Variants in EPHA6 observed in about 807,000 individuals in gnomAD.
The protein encoded by EPHA6 is EPH receptor A6, also known as ephrin type-A receptor 6.
Under a neutral mutation model 112.0 loss-of-function variants are expected in EPHA6, and 50 were observed. That is an observed-to-expected ratio of 0.45 (90% CI 0.36 to 0.56). The LOEUF is 0.56. EPHA6 is among the 20% of genes least tolerant of loss of function. The pLI, the probability that EPHA6 is intolerant of heterozygous loss-of-function variation, is 0.00. For synonymous variants in EPHA6, 529 were observed against 490.7 expected (o/e 1.08, Z -1.03); for missense variants, 1,280 against 1,417.4 (o/e 0.90, Z 1.56).
intron 5 of EPHA6, among the ~76,000 whole-genome samples, chr3:97,364,068 C>G (rs998553588): frequency 2.6e-5 from 4 of 151,872 alleles, no homozygotes; most frequent in African/African-American, 9.7e-5. Context: ...GGAAAATGTT[C>G]TGGAGATAGA....
At chr3:97,121,853 G>C (rs369794654) in intron 3 of EPHA6, among the ~76,000 whole-genome samples, 20 of 152,110 alleles carry the variant, frequency 1.3e-4, no homozygotes, top group Middle Eastern at 3.4e-3. Flanking sequence ...CAGATATATT[G>C]AGAATATATT....
At chr3:97,583,737 A>G (rs2093462857) in intron 11 of EPHA6, among the ~76,000 whole-genome samples, 1 of 152,178 alleles carries the variant, frequency 6.6e-6, no homozygotes, top group South Asian at 2.1e-4. Flanking sequence ...ATTCAATGCA[A>G]TGTCAATCAA....
At chr3:97,415,219 G>T (rs989245673) in intron 6 of EPHA6, among the ~76,000 whole-genome samples, 1 of 151,986 alleles carries the variant, frequency 6.6e-6, no homozygotes. Context: ...AATCTAAAGC[G>T]AGCTTGATTT....
At chr3:97,550,843 A>G (rs2093019813) in intron 11 of EPHA6, among the ~76,000 whole-genome samples, 1 of 152,106 alleles carries the variant, frequency 6.6e-6, no homozygotes, top group African/African-American at 2.4e-5. Context: ...AAGTACATAT[A>G]GATGAAGGAA....
chr3:97,068,788 A>AGGCCCCACTCTCTG (rs2046262186), intron 3 of EPHA6, among the ~76,000 whole-genome samples: 1 of 152,032 alleles, frequency 6.6e-6, no homozygotes, highest in Non-Finnish European at 1.5e-5. Context: ...AAAGAGTGAG[A>AGGCCCCACTCTCTG]GGCCCCACTC....
At chr3:97,152,857 C>A (rs1260241038) in intron 3 of EPHA6, among the ~76,000 whole-genome samples, 1 of 152,062 alleles carries the variant, frequency 6.6e-6, no homozygotes, top group African/African-American at 2.4e-5. Context: ...CATCCCTGAG[C>A]AGCATTTTCG....
At chr3:97,036,192 A>G (rs1163172531) in intron 3 of EPHA6, among the ~76,000 whole-genome samples, 2 of 152,020 alleles carry the variant, frequency 1.3e-5, no homozygotes, top group African/African-American at 4.8e-5. Flanking sequence ...TAGCTAAAAC[A>G]GACTACCATA....
chr3:97,716,126 A>G (rs1559623175), intron 14 of EPHA6, among the ~76,000 whole-genome samples: 1 of 152,184 alleles, frequency 6.6e-6, no homozygotes, highest in Non-Finnish European at 1.5e-5. Context: ...CATTCCCGAA[A>G]CCTGAAGCAA....
At chr3:97,167,836 A>C (rs75783861) in intron 3 of EPHA6, among the ~76,000 whole-genome samples, 11,954 of 152,010 alleles carry the variant, frequency 0.079, 768 homozygotes, top group Admixed American at 0.22. Flanking sequence ...TGGAATCCAA[A>C]TATTCTTAAA....
At chr3:97,511,341 G>C (rs2092361469) in intron 10 of EPHA6, among the ~76,000 whole-genome samples, 1 of 152,224 alleles carries the variant, frequency 6.6e-6, no homozygotes, top group Non-Finnish European at 1.5e-5. Context: ...CTGTTCTGCG[G>C]GTTGTGAAGA....
At chr3:96,861,311 G>A (rs1317389629) in intron 1 of EPHA6, among the ~76,000 whole-genome samples, 1 of 152,014 alleles carries the variant, frequency 6.6e-6, no homozygotes, top group Non-Finnish European at 1.5e-5. Context: ...CTAAGTAATA[G>A]CAAACTGCTT....
intron 6 of EPHA6, among the ~76,000 whole-genome samples, chr3:97,413,258 C>T (rs1357480281): frequency 6.6e-6 from 1 of 151,888 alleles, no homozygotes; most frequent in Admixed American, 6.6e-5. Context: ...TGAAGCAGGT[C>T]TCAACTGATA....
Position 97,638,000 on chromosome 3 carries a change from A to G in EPHA6, c.2702A>G (p.Asn901Ser). 1 of 1,614,002 alleles carries G rather than the reference A, an allele frequency of 6.2e-7. No individual in the cohort carries two copies. The highest frequency in any genetic ancestry group is 2.2e-5 in the East Asian group (1 of 44,872). The change falls in exon 14 of 18, where the codon AAT becomes AGT. Residue 901 changes from asparagine (N) to serine (S), a missense_variant. This residue lies in a region of EPHA6 where 878 missense variants were observed against 999.7 expected (regional missense o/e 0.88). Transcript: ENST00000389672. The stretch of plus-strand genomic sequence containing the variant: ...CTAGCGGCTCGGAATATACTGGTCA[A>G]TAGCAACTTAGTATGCAAAGTTTCT... ...RDLAARNILV[N>S]SNLVCKVSDF...
intron 12 of EPHA6, among the ~76,000 whole-genome samples, chr3:97,595,271 G>T (rs1276086972): frequency 6.6e-6 from 1 of 152,188 alleles, no homozygotes; most frequent in Non-Finnish European, 1.5e-5. Flanking sequence ...ACACCAGGAA[G>T]TATTAGCTGA....
At chr3:97,187,822 G>A (rs1425871379) in intron 3 of EPHA6, among the ~76,000 whole-genome samples, 1 of 152,090 alleles carries the variant, frequency 6.6e-6, no homozygotes, top group African/African-American at 2.4e-5. Flanking sequence ...CAAGCCTAAT[G>A]TTAATCAATG....
intron 5 of EPHA6, among the ~76,000 whole-genome samples, chr3:97,338,400 T>C (rs16838574): frequency 0.11 from 17,323 of 152,142 alleles, 3,060 homozygotes; most frequent in African/African-American, 0.38. Flanking sequence ...TAACTCTCTG[T>C]GAGCATCTAC....
At chr3:96,828,907 A>G (rs1384188195) in intron 1 of EPHA6, among the ~76,000 whole-genome samples, 1 of 152,190 alleles carries the variant, frequency 6.6e-6, no homozygotes, top group East Asian at 1.9e-4. Flanking sequence ...TGACAAATGA[A>G]TTTCCATTTT....
intron 14 of EPHA6, among the ~76,000 whole-genome samples, chr3:97,710,161 G>GC (rs933423094): frequency 6.6e-6 from 1 of 152,098 alleles, no homozygotes; most frequent in African/African-American, 2.4e-5. Flanking sequence ...GAGCCCTTCA[G>GC]CCCCATCCTT....
intron 3 of EPHA6, among the ~76,000 whole-genome samples, chr3:97,030,339 A>G (rs1156372320): frequency 6.6e-6 from 1 of 151,838 alleles, no homozygotes; most frequent in East Asian, 1.9e-4. Flanking sequence ...TGTTCCTGCC[A>G]CTCTCTGAGA....
Sources: gnomAD v4.1 joint callset for allele counts (sites outside exome capture counted in the v4.1 genomes callset) on GRCh38, gnomAD v4.1.1 for gene constraint, gnomAD v4.1.1 regional missense constraint, MANE v1.5 for transcripts, NCBI Gene and HGNC (gene_info 2026-07-23, HGNC 2026-07-21) for gene names.